KLHL30: variants seen among roughly 807,000 people sequenced by gnomAD.
The protein encoded by KLHL30 is kelch-like protein 30.
KLHL30 carries 55 observed loss-of-function variants against 55.0 expected under a neutral mutation model. The ratio of observed to expected loss-of-function variants is 1.00; its 90% CI spans 0.80 to 1.25. KLHL30 has a LOEUF of 1.25. Among genes scored for constraint, KLHL30 ranks in the 50% most tolerant of loss-of-function variants. The probability of loss-of-function intolerance (pLI) is 0.00; values close to 1 mark genes in which losing one functional copy is unlikely to be tolerated. For synonymous variants in KLHL30, 356 were observed against 372.6 expected, an observed-to-expected ratio of 0.96 and a Z score of 0.51; for missense variants, 786 against 811.6, an observed-to-expected ratio of 0.97 and a Z score of 0.38.
At chr2:238,148,566 G>A (rs1052391430) in intron 6 of KLHL30, among the ~76,000 whole-genome samples, 20 of 148,578 alleles carry the variant, frequency 1.3e-4, no homozygotes, top group African/African-American at 4.5e-4. Flanking sequence ...GTTCTGAGGC[G>A]TGGATGTGAG....
At chr2:238,149,262 G>T in intron 7 of KLHL30, 110 bp downstream of exon 7, 2 of 1,451,470 alleles carry the variant, frequency 1.4e-6, no homozygotes, top group Non-Finnish European at 1.9e-6. Flanking sequence ...CCACTGCGAA[G>T]GGGACAGCGC....
intron 3 of KLHL30, among the ~76,000 whole-genome samples, chr2:238,143,605 G>A (rs1008724865): frequency 6.6e-6 from 1 of 152,250 alleles, no homozygotes. Context: ...CTCTGGAAAG[G>A]GCTGATGCAG....
chr2:238,141,950 G>A (rs1692551057), intron 2 of KLHL30, among the ~76,000 whole-genome samples: 1 of 152,256 alleles, frequency 6.6e-6, no homozygotes, highest in Non-Finnish European at 1.5e-5. Flanking sequence ...GAGCTCACAA[G>A]GAGGAAAAGA....
rs200353208 is a variant in KLHL30, at chr2:238,150,941, C to T, written c.1613C>T (p.Thr538Met). 384 of 1,585,720 alleles carry T rather than the reference C, an allele frequency of 2.4e-4. 1 individual carries two copies. The highest frequency in any genetic ancestry group is 6.7e-4 in the Middle Eastern group (4 of 5,956). Residue 538 changes from threonine to methionine, a missense_variant, in exon 8 of 8, where the codon ACG becomes ATG. Physicochemically the swap from Thr to Met is moderately conservative, Grantham distance 81. Transcript: ENST00000409223. Reference protein sequence around the residue: ...DYHVEMEAYDTVRDTWTRHGA... With the variant: ...DYHVEMEAYDMVRDTWTRHGA... ...CACGTGGAGATGGAGGCCTACGACA[C>T]GGTTCGGGACACCTGGACCCGCCAC...
In KLHL30 at chr2:238,151,000, G is replaced by A. The variant is rs749361461; in HGVS notation, c.1672G>A (p.Ala558Thr). 4 of 1,589,632 alleles carry A rather than the reference G, an allele frequency of 2.5e-6. No individual in the cohort carries two copies. Among genetic ancestry groups the A allele is most frequent in the Admixed American group, 1.8e-5 (1 of 56,992 alleles). ...GCCCCGGCTCTGGCTCTACCACGGG[G>A]CCTCCACCGTCTTCCTGGATGTCTC... ...ALPRLWLYHG[A>T]STVFLDVSKW... Residue 558 changes from alanine to threonine, a missense_variant, in exon 8 of 8, where the codon GCC becomes ACC. Ala to Thr is a moderately conservative substitution (Grantham distance 58). Transcript: ENST00000409223.
chr2:238,139,844 G>C (rs1228912705), intron 1 of KLHL30, among the ~76,000 whole-genome samples: 4 of 152,220 alleles, frequency 2.6e-5, no homozygotes, highest in Non-Finnish European at 5.9e-5. Flanking sequence ...ATCTCTCCTA[G>C]GGATGGTTGT....
intron 3 of KLHL30, among the ~76,000 whole-genome samples, chr2:238,144,477 A>G (rs1574757965): frequency 6.9e-6 from 1 of 144,776 alleles, no homozygotes; most frequent in South Asian, 2.2e-4. Flanking sequence ...GCAGGCAGGC[A>G]GGCAGGCATG....
rs909139661 is a variant in KLHL30 at position 238,143,075 on chromosome 2, G to A, written c.907+144G>A. On this transcript the variant is annotated intron_variant, in intron 3 of 7. Coordinates refer to ENST00000409223, the MANE Select transcript of KLHL30 (RefSeq NM_198582.4). ...CCCCTGTGAGGGGCGTGCCTGGGTG[G>A]GCCTCACCTGGGGGCTGCAGAGGAG... 5.5e-6 allele frequency: 6 copies of A among 1,083,464 alleles called. No homozygotes were observed. In the African/African-American group the frequency reaches 8.4e-5, roughly 15 times the overall value. The allele number at this position is 1,083,464 out of a possible 1,614,324, so 67.1% of individuals were successfully genotyped here.
In KLHL30 at chr2:238,152,632, G is replaced by A. The variant is rs1377568799; in HGVS notation, c.*1567G>A. ...GATCCGCCCGCCTCAGCCTCCCAAA[G>A]TGCTGGGATTACAAGGTGTGGGAGA... is the stretch of plus-strand genomic sequence containing the variant. On this transcript the variant is annotated 3_prime_UTR_variant, in exon 8 of 8. Coordinates refer to ENST00000409223, the MANE Select transcript of KLHL30 (RefSeq NM_198582.4). 4 of 152,232 alleles carry A rather than the reference G, an allele frequency of 2.6e-5. No individual in the cohort carries two copies. The highest frequency in any genetic ancestry group is 9.7e-5 in the African/African-American group (4 of 41,438). The allele number at this position is 152,232 out of a possible 1,614,324, so 9.4% of individuals were successfully genotyped here. A position where few individuals can be genotyped will look rare whatever the true frequency, so the allele number is the denominator to read the frequency against.
rs896092118 is a variant in KLHL30 at position 238,138,717 on chromosome 2, C to G, written c.-112C>G. On this transcript the variant is annotated 5_prime_UTR_variant, in exon 1 of 8. Transcript: ENST00000409223. ...TGCCGGCTAGGCAGTCCTGCTCTCT[C>G]GGGTCTGTGTTCTCAGCTTCGAGGT... 3 of 152,636 alleles carry G rather than the reference C, an allele frequency of 2.0e-5. No individual in the cohort carries two copies. The highest frequency in any genetic ancestry group is 7.2e-5 in the African/African-American group (3 of 41,446). 9.5% of individuals were successfully genotyped at this position (152,636 alleles called of 1,614,324 possible).
chr2:238,144,099 G>T (rs541656883), intron 3 of KLHL30, among the ~76,000 whole-genome samples: 1 of 152,258 alleles, frequency 6.6e-6, no homozygotes, highest in East Asian at 1.9e-4. Context: ...TTGTAGCTCC[G>T]AGAGGCAGGC....
In KLHL30 at chr2:238,141,247, G is replaced by A; in HGVS notation, c.493G>A (p.Val165Met). The A allele has an allele frequency of 6.2e-7, 1 of 1,607,164 alleles. No individual in the cohort carries two copies. Among genetic ancestry groups the A allele is most frequent in the Non-Finnish European group, 8.5e-7 (1 of 1,179,562 alleles). Residue 165 changes from valine to methionine, a missense_variant, in exon 2 of 8, where the codon GTG becomes ATG. Transcript: ENST00000409223. ...CTTCCTGCGAGAGAACTTTGAGGCT[G>A]TGGCACGTGAGGACGAGTTCCTGCA... ...WAFLRENFEA[V>M]AREDEFLQLP...
Position 238,147,958 on chromosome 2 carries a change from C to A in KLHL30, c.1275C>A (p.Tyr425Ter). The A allele has an allele frequency of 6.3e-7, 1 of 1,576,938 alleles. No individual in the cohort carries two copies. Among genetic ancestry groups the A allele is most frequent in the Admixed American group, 1.8e-5 (1 of 55,012 alleles). Residue 425 changes from tyrosine (Y) to a stop codon, truncating the protein, a stop_gained, in exon 6 of 8, where the codon TAC becomes TAA. Coordinates refer to ENST00000409223, the MANE Select transcript of KLHL30 (RefSeq NM_198582.4). LOFTEE classifies it high-confidence loss of function. This position sits in a 1 kb window ranked among gnomAD's most constrained non-coding sequence, Gnocchi z 5.8. ...CTGCCGGCTGCCGGGGCCGGCTCTA[C>A]CTGGTGGGCTCCAGCGCCTGCAAGT... Reference protein sequence around the residue: ...FSAAGCRGRLYLVGSSACKYN... With the variant: ...FSAAGCRGRL
In KLHL30 at chr2:238,140,837, C is replaced by T. The variant is rs775708856; in HGVS notation, c.83C>T (p.Ser28Phe). Residue 28 changes from serine (S) to phenylalanine (F), a missense_variant, in exon 2 of 8, where the codon TCT becomes TTT. Ser to Phe is a radical substitution (Grantham distance 155). Transcript: ENST00000409223. ...CTGGATGGCCTGCAGCGCCTGCGCT[C>T]TCAGCCCAAGCTGGCCGACGTCACA... ...DMLDGLQRLR[S>F]QPKLADVTLL... 3 of 1,609,560 alleles carry T rather than the reference C, an allele frequency of 1.9e-6. No individual in the cohort carries two copies. Among genetic ancestry groups the T allele is most frequent in the Admixed American group, 3.3e-5 (2 of 59,868 alleles).
At position 238,140,739 on chromosome 2, in the gene KLHL30, C is replaced by T; in HGVS notation, c.-16C>T. 1 of 1,486,912 alleles carries T rather than the reference C, an allele frequency of 6.7e-7. No homozygotes were observed. Among genetic ancestry groups the T allele is most frequent in the Non-Finnish European group, 9.0e-7 (1 of 1,110,536 alleles). The allele number at this position is 1,486,912 out of a possible 1,614,324, so 92.1% of individuals were successfully genotyped here. On this transcript the variant is annotated 5_prime_UTR_variant, in exon 2 of 8. Coordinates refer to ENST00000409223, the MANE Select transcript of KLHL30 (RefSeq NM_198582.4). ...CTTGAGTGGGTGGACTACTGAGGTC[C>T]CCTGGGCACGGCGTCATGGTGCGGA...
chr2:238,145,671 C>T lies in KLHL30; in HGVS notation c.995-6C>T, dbSNP rs771159504. ...GCACCCATGTAGACAGAACTTCTCC[C>T]GGCAGGTGGCTCTCGGGGCACAAAG... On this transcript the variant is annotated splice_polypyrimidine_tract_variant and splice_region_variant and intron_variant, in intron 4 of 7. Coordinates refer to ENST00000409223, the MANE Select transcript of KLHL30 (RefSeq NM_198582.4). 4.5e-5 allele frequency: 70 copies of T among 1,571,290 alleles called. No individual in the cohort carries two copies. In the East Asian group the frequency reaches 5.7e-4, roughly 13 times the overall value.
intron 6 of KLHL30, 21 bp downstream of exon 6, chr2:238,148,043 G>A (rs375741469): frequency 4.1e-5 from 57 of 1,377,478 alleles, no homozygotes; most frequent in Middle Eastern, 2.2e-4. Context: ...CTCAGGGACC[G>A]AGGATAGAGG....
Position 238,151,105 on chromosome 2 carries a change from C to A in KLHL30, c.*40C>A. 2 of 1,553,250 alleles carry A rather than the reference C, an allele frequency of 1.3e-6. No individual in the cohort carries two copies. The highest frequency in any genetic ancestry group is 2.4e-5 in the East Asian group (1 of 42,020). On this transcript the variant is annotated 3_prime_UTR_variant, in exon 8 of 8. Transcript: ENST00000409223. ...CCCCGGGGAGGAGTCCCCACAGCGG[C>A]CCCTCATCAGCCTGTGGAACGGCCC...
chr2:238,148,983 G>A (rs1481228446), intron 6 of KLHL30, 24 bp from the exon 7 acceptor site: 5 of 1,566,598 alleles, frequency 3.2e-6, no homozygotes, highest in Admixed American at 1.9e-5. Context: ...TGGTGACGGT[G>A]GCCAGTGCCC....
Sources: gnomAD v4.1 joint callset for allele counts (sites outside exome capture counted in the v4.1 genomes callset) on GRCh38, gnomAD v4.1.1 for gene constraint, Gnocchi (gnomAD v3.1) non-coding constraint, MANE v1.5 for transcripts, NCBI Gene and HGNC (gene_info 2026-07-23, HGNC 2026-07-21) for gene names.